Variants in LRRC53 observed in about 807,000 individuals in gnomAD.
The protein encoded by LRRC53 is leucine rich repeat containing 53.
LRRC53 carries 25 observed loss-of-function variants against 13.6 expected under a neutral mutation model. The observed-to-expected ratio is 1.83, with a 90% confidence interval of 1.34 to 2.56. The LOEUF is 2.56. Ranked by LOEUF, LRRC53 falls within the 30% of genes most tolerant of loss-of-function variation. The pLI is 0.00. For missense variants in LRRC53, 527 were observed against 275.8 expected (o/e 1.91, Z -6.45); for synonymous variants, 204 against 109.8 (o/e 1.86, Z -5.37).
At chr1:74,527,951 G>T in the LRRC53 span, among the ~76,000 whole-genome samples, 4 of 152,142 alleles carry the variant, frequency 2.6e-5, no homozygotes, top group African/African-American at 9.7e-5. Flanking sequence ...AGAAGGAAAG[G>T]GTTTCCACAG....
chr1:74,489,918 T>A (rs1668968955), intron 1 of LRRC53, among the ~76,000 whole-genome samples: 1 of 151,842 alleles, frequency 6.6e-6, no homozygotes, highest in East Asian at 1.9e-4. Flanking sequence ...AAGACATACA[T>A]CACACATAGA....
At chr1:74,486,397 C>A (rs987147995) in intron 1 of LRRC53, among the ~76,000 whole-genome samples, 1 of 151,874 alleles carries the variant, frequency 6.6e-6, no homozygotes, top group Non-Finnish European at 1.5e-5. Context: ...GCTACTTGAT[C>A]ATTCAGATAC....
chr1:74,481,069 C>T (rs1267087885), intron 2 of LRRC53, 101 bp from the exon 3 acceptor site: 22 of 601,606 alleles, frequency 3.7e-5, no homozygotes, highest in Non-Finnish European at 3.9e-5. Flanking sequence ...GCAATCTTAT[C>T]ACCTGGGTAA....
At chr1:74,475,191 A>C (rs1406722004) in intron 4 of LRRC53, 104 bp downstream of exon 4, 8 of 598,082 alleles carry the variant, frequency 1.3e-5, no homozygotes, top group Admixed American at 3.0e-5. Flanking sequence ...CTAGTGCTAT[A>C]GTGATTTTTA....
At chr1:74,498,161 A>C (rs1277600103) in intron 1 of LRRC53, among the ~76,000 whole-genome samples, 1 of 152,216 alleles carries the variant, frequency 6.6e-6, no homozygotes, top group Non-Finnish European at 1.5e-5. Flanking sequence ...ACTACAGACA[A>C]ACTAGAAGTT....
intron 1 of LRRC53, among the ~76,000 whole-genome samples, chr1:74,490,062 A>C (rs1557602187): frequency 6.6e-6 from 1 of 150,732 alleles, no homozygotes; most frequent in Non-Finnish European, 1.5e-5. Flanking sequence ...AAAAAAAAAA[A>C]AAAAAAAAAA....
At chr1:74,484,235 A>G (rs1668643336) in intron 1 of LRRC53, among the ~76,000 whole-genome samples, 1 of 151,786 alleles carries the variant, frequency 6.6e-6, no homozygotes, top group Non-Finnish European at 1.5e-5. Flanking sequence ...ACAAGGAGCA[A>G]ATTATAATAA....
At chr1:74,492,465 C>T (rs1669130258) in intron 1 of LRRC53, among the ~76,000 whole-genome samples, 1 of 152,104 alleles carries the variant, frequency 6.6e-6, no homozygotes, top group Non-Finnish European at 1.5e-5. Flanking sequence ...CCTCTAGTTG[C>T]AAGTAACAGG....
At chr1:74,485,389 A>C (rs1187500396) in intron 1 of LRRC53, among the ~76,000 whole-genome samples, 1 of 152,100 alleles carries the variant, frequency 6.6e-6, no homozygotes, top group East Asian at 1.9e-4. Context: ...GGCCTCATGG[A>C]TGTGTGGTTC....
rs532560678 is a variant in LRRC53, at chr1:74,503,000, G to A, written c.-27+9526C>T. Among the ~76,000 whole-genome samples, 21 of 152,298 alleles carry A rather than the reference G, an allele frequency of 1.4e-4. No individual in the cohort carries two copies. In the South Asian group the frequency reaches 4.4e-3, roughly 32 times the overall value. On this transcript the variant is annotated intron_variant, in intron 1 of 4. Transcript: ENST00000294635. ...AGTGACACTTGTGGACTAGCTTTGA[G>A]GATAGCTCTACTTCAGCATGATTTC...
At chr1:74,494,523 A>G (rs1669234632) in intron 1 of LRRC53, among the ~76,000 whole-genome samples, 1 of 152,138 alleles carries the variant, frequency 6.6e-6, no homozygotes, top group Non-Finnish European at 1.5e-5. Flanking sequence ...ACTACATTAG[A>G]TTTGGTCACA....
At chr1:74,528,572 TA>T in the LRRC53 span, among the ~76,000 whole-genome samples, 9 of 152,216 alleles carry the variant, frequency 5.9e-5, no homozygotes, top group South Asian at 6.2e-4. Flanking sequence ...ATATTTAGGA[TA>T]ATGGGAGCTA....
At chr1:74,514,118 C>A (rs1382841092), upstream of LRRC53, among the ~76,000 whole-genome samples, 1 of 152,168 alleles carries the variant, frequency 6.6e-6, no homozygotes, top group Non-Finnish European at 1.5e-5. Context: ...AAAATAGAAG[C>A]TTCCTTTATG....
the LRRC53 span, among the ~76,000 whole-genome samples, chr1:74,536,865 A>T: frequency 0.041 from 6,246 of 152,162 alleles, 408 homozygotes; most frequent in African/African-American, 0.14. Flanking sequence ...CTGTATTTTC[A>T]CTGACCACAA....
In LRRC53 at chr1:74,471,054, T is replaced by C. The variant is rs1667903139; in HGVS notation, c.2568A>G (p.Gln856=). The change falls in exon 5 of 5, where the codon CAA becomes CAG. Residue 856 remains glutamine, a synonymous_variant. Transcript: ENST00000294635. The part of the protein sequence containing the change: ...TDAEHRHSHS[Q]FSTEQMEDAT... Reference sequence around the variant, plus strand: ...CATCTTCCATTTGCTCAGTTGAGAATTGAGAATGTGAGTGCCTGTGCTCAG... The same window carrying C: ...CATCTTCCATTTGCTCAGTTGAGAACTGAGAATGTGAGTGCCTGTGCTCAG... 7.5e-6 allele frequency: 3 copies of C among 400,574 alleles called. No individual in the cohort carries two copies. Among genetic ancestry groups the C allele is most frequent in the African/African-American group, 6.2e-5 (3 of 48,674 alleles). The allele number at this position is 400,574 out of a possible 1,614,324, so 24.8% of individuals were successfully genotyped here. A position where few individuals can be genotyped will look rare whatever the true frequency, so the allele number is the denominator to read the frequency against.
intron 1 of LRRC53, among the ~76,000 whole-genome samples, chr1:74,506,688 A>G (rs1181080520): frequency 6.6e-6 from 1 of 152,236 alleles, no homozygotes; most frequent in Non-Finnish European, 1.5e-5. Flanking sequence ...GCATTTTAAC[A>G]AGATTTTAAC....
intron 1 of LRRC53, among the ~76,000 whole-genome samples, chr1:74,505,150 G>C (rs1256568280): frequency 6.6e-6 from 1 of 152,134 alleles, no homozygotes; most frequent in East Asian, 1.9e-4. Flanking sequence ...CACAGATCCC[G>C]CCTTTGGCAG....
In LRRC53 at chr1:74,471,456, A is replaced by T. The variant is rs1667928883; in HGVS notation, c.2166T>A (p.His722Gln). 3 of 400,570 alleles carry T rather than the reference A, an allele frequency of 7.5e-6. No homozygotes were observed. Among genetic ancestry groups the T allele is most frequent in the African/African-American group, 6.2e-5 (3 of 48,684 alleles). 24.8% of individuals were successfully genotyped at this position (400,570 alleles called of 1,614,324 possible). ...GATGGACTCTGACTTTTCTAAAAGGATGTAAATTTAATTTTAAGTTTTGTC... is the reference window on the plus strand; with the variant it reads ...GATGGACTCTGACTTTTCTAAAAGGTTGTAAATTTAATTTTAAGTTTTGTC... ...IKGQNLKLNLHPFRKVRVHPE... is the reference protein window; with the variant it reads ...IKGQNLKLNLQPFRKVRVHPE... Residue 722 changes from histidine to glutamine, a missense_variant, in exon 5 of 5, where the codon CAT (histidine) becomes CAA (glutamine). Coordinates refer to ENST00000294635, the MANE Select transcript of LRRC53 (RefSeq NM_001382280.1).
chr1:74,502,745 T>C (rs577720148), intron 1 of LRRC53, among the ~76,000 whole-genome samples: 1 of 152,348 alleles, frequency 6.6e-6, no homozygotes, highest in South Asian at 2.1e-4. Context: ...CCTCAGCTTA[T>C]GCCTCCTGAA....
Sources: allele counts gnomAD v4.1 joint callset (sites outside exome capture counted in the v4.1 genomes callset), GRCh38; gene constraint gnomAD v4.1.1; transcripts MANE v1.5; gene names NCBI Gene and HGNC (gene_info 2026-07-23, HGNC 2026-07-21).